The following AFF1 variants were observed in gnomAD, a reference collection of about 807,000 sequenced individuals.
AFF1 encodes AF4/FMR2 family member 1.
In AFF1, 48 loss-of-function variants were observed where a neutral mutation model predicts 121.7. The observed-to-expected ratio is 0.39, with a 90% CI of 0.31 to 0.50. AFF1 has a LOEUF of 0.50. Ranked by LOEUF, AFF1 falls within the 20% of genes least tolerant of loss-of-function variation. The pLI, the probability that AFF1 is intolerant of heterozygous loss-of-function variation, is 0.76. For synonymous variants in AFF1, 613 were observed against 563.0 expected (o/e 1.09, Z -1.26); for missense variants, 1,523 against 1,511.7 (o/e 1.01, Z -0.12).
intron 11 of AFF1, among the ~76,000 whole-genome samples, chr4:87,113,054 T>C (rs1279846637): frequency 6.6e-6 from 1 of 152,158 alleles, no homozygotes; most frequent in Non-Finnish European, 1.5e-5. Flanking sequence ...AGAGTCTCCG[T>C]CATTCTTTTA....
chr4:87,116,831 GGT>G (rs70957208), intron 12 of AFF1, among the ~76,000 whole-genome samples: 3 of 151,088 alleles, frequency 2.0e-5, no homozygotes, highest in Admixed American at 6.6e-5. Context: ...GATGGGGTGG[GGT>G]GTGTGTGTGT....
At chr4:87,067,855 G>A (rs1184163813) in intron 4 of AFF1, among the ~76,000 whole-genome samples, 1 of 152,252 alleles carries the variant, frequency 6.6e-6, no homozygotes, top group African/African-American at 2.4e-5. Flanking sequence ...CACAGAGCAT[G>A]GTTCAATGCT....
At chr4:87,122,505 T>TCC (rs1560650945) in intron 12 of AFF1, among the ~76,000 whole-genome samples, 1 of 152,240 alleles carries the variant, frequency 6.6e-6, no homozygotes, top group Admixed American at 6.5e-5. Flanking sequence ...CAGGATCTGC[T>TCC]ATGGGTCCAT....
At chr4:87,036,057 A>G (rs1285297606) in intron 2 of AFF1, among the ~76,000 whole-genome samples, 3 of 152,152 alleles carry the variant, frequency 2.0e-5, no homozygotes, top group Admixed American at 6.5e-5. Flanking sequence ...AGAAGAGCCA[A>G]CACGTATCCA....
In AFF1 at chr4:87,033,566, T is replaced by G. The variant is rs189966097; in HGVS notation, c.39-12600T>G. Among the ~76,000 whole-genome samples the G allele has an allele frequency of 4.2e-4, 64 of 152,384 alleles. No individual in the cohort carries two copies. In the East Asian group the frequency reaches 0.01, roughly 24 times the overall value. On this transcript the variant is annotated intron_variant, in intron 2 of 20. Coordinates refer to ENST00000395146, the MANE Select transcript of AFF1 (RefSeq NM_001166693.3). The stretch of plus-strand genomic sequence containing the variant: ...TTAAATTAAGTAACAGTATATTCAC[T>G]TAGTACATTTGATCTCTTATGGGCT...
At chr4:87,101,195 T>C (rs1725395846) in intron 8 of AFF1, among the ~76,000 whole-genome samples, 1 of 152,180 alleles carries the variant, frequency 6.6e-6, no homozygotes, top group South Asian at 2.1e-4. Flanking sequence ...GCTTCGTAAT[T>C]TGTAACCTCC....
chr4:87,121,674 T>G (rs1727708247), intron 12 of AFF1, among the ~76,000 whole-genome samples: 1 of 152,276 alleles, frequency 6.6e-6, no homozygotes, highest in African/African-American at 2.4e-5. Flanking sequence ...GTTTGATGGC[T>G]TCCTTTCTAC....
intron 2 of AFF1, among the ~76,000 whole-genome samples, chr4:86,962,632 CTG>C (rs1208628936): frequency 6.6e-6 from 1 of 152,080 alleles, no homozygotes; most frequent in Non-Finnish European, 1.5e-5. Context: ...AGACCCAACT[CTG>C]AAGCATTGTC....
chr4:86,955,236 C>T (rs67773101), intron 2 of AFF1, among the ~76,000 whole-genome samples: 7 of 152,018 alleles, frequency 4.6e-5, no homozygotes, highest in Non-Finnish European at 5.9e-5. Flanking sequence ...GAAGGAAAAT[C>T]GTGTCTAGGA....
chr4:86,977,940 G>A (rs1253190363), intron 2 of AFF1, among the ~76,000 whole-genome samples: 1 of 152,098 alleles, frequency 6.6e-6, no homozygotes, highest in Non-Finnish European at 1.5e-5. Context: ...GCTGTGAGGG[G>A]ATACATAGAT....
At chr4:87,011,070 C>T (rs1198232538) in intron 2 of AFF1, among the ~76,000 whole-genome samples, 1 of 117,916 alleles carries the variant, frequency 8.5e-6, no homozygotes, top group Non-Finnish European at 1.7e-5. Flanking sequence ...CAGAGTGAGA[C>T]TCCGTCTCAA....
intron 2 of AFF1, chr4:86,949,866 C>G: frequency 6.2e-7 from 1 of 1,613,974 alleles, no homozygotes; most frequent in South Asian, 1.1e-5. Flanking sequence ...GGGCAGGACA[C>G]CAGCAGGAAG....
chr4:87,030,139 A>C (rs999323423), intron 2 of AFF1, among the ~76,000 whole-genome samples: 1 of 152,320 alleles, frequency 6.6e-6, no homozygotes, highest in East Asian at 1.9e-4. Flanking sequence ...GAACTTAAAA[A>C]AAAAAAAATC....
intron 7 of AFF1, among the ~76,000 whole-genome samples, chr4:87,094,395 A>G (rs1399809601): frequency 6.6e-6 from 1 of 152,204 alleles, no homozygotes; most frequent in African/African-American, 2.4e-5. Context: ...CTCTGAGGAC[A>G]GGGCCAAATG....
At chr4:86,992,214 T>C (rs565500338) in intron 2 of AFF1, among the ~76,000 whole-genome samples, 2 of 152,254 alleles carry the variant, frequency 1.3e-5, no homozygotes, top group Admixed American at 6.5e-5. Flanking sequence ...CACTTACCAG[T>C]TTGCATGACT....
chr4:87,094,301 A>T (rs1724606935), intron 7 of AFF1, among the ~76,000 whole-genome samples: 1 of 152,136 alleles, frequency 6.6e-6, no homozygotes, highest in East Asian at 1.9e-4. Context: ...TAATTTATGT[A>T]TTGACTTGTG....
intron 6 of AFF1, among the ~76,000 whole-genome samples, chr4:87,090,441 T>C (rs554481829): frequency 2.0e-5 from 3 of 152,364 alleles, no homozygotes; most frequent in South Asian, 2.1e-4. Flanking sequence ...CCCTACATTT[T>C]CTTGAGTTTA....
At chr4:87,122,578 G>A (rs1432160885) in intron 12 of AFF1, among the ~76,000 whole-genome samples, 1 of 152,042 alleles carries the variant, frequency 6.6e-6, no homozygotes, top group African/African-American at 2.4e-5. Context: ...TTTAGAACTC[G>A]GTTGCTTATT....
intron 2 of AFF1, among the ~76,000 whole-genome samples, chr4:86,985,214 T>TATATAAATAA (rs1277485096): frequency 1.9e-5 from 2 of 104,560 alleles, no homozygotes; most frequent in African/African-American, 6.7e-5. Flanking sequence ...TATATATATA[T>TATATAAATAA]AAAATTATAT....
Sources: allele counts gnomAD v4.1 joint callset (sites outside exome capture counted in the v4.1 genomes callset), GRCh38; gene constraint gnomAD v4.1.1; transcripts MANE v1.5; gene names NCBI Gene and HGNC (gene_info 2026-07-23, HGNC 2026-07-21).